The following PPP3R1 variants were observed in gnomAD, a reference collection of about 807,000 sequenced individuals.
The protein encoded by PPP3R1 is calcineurin subunit B type 1.
In PPP3R1, 5 loss-of-function variants were observed where a neutral mutation model predicts 22.6. The observed-to-expected ratio is 0.22, with a 90% CI of 0.12 to 0.46. PPP3R1 has a LOEUF of 0.46. Among genes scored for constraint, PPP3R1 ranks in the 20% least tolerant of loss-of-function variants. The pLI is 0.99. For missense variants in PPP3R1, 61 were observed against 203.2 expected (o/e 0.30, Z 4.25); for synonymous variants, 56 against 65.2 (o/e 0.86, Z 0.68).
At chr2:68,190,990 C>A (rs1674655347) in intron 2 of PPP3R1, among the ~76,000 whole-genome samples, 1 of 152,134 alleles carries the variant, frequency 6.6e-6, no homozygotes, top group Admixed American at 6.5e-5. Flanking sequence ...CTGTTACAAA[C>A]AAAGCTGCAT....
intron 2 of PPP3R1, among the ~76,000 whole-genome samples, chr2:68,204,085 A>G (rs1356303666): frequency 2.0e-5 from 3 of 152,132 alleles, no homozygotes; most frequent in Non-Finnish European, 4.4e-5. Flanking sequence ...CTTACTTTCA[A>G]TTGTGCCCCA....
intron 2 of PPP3R1, among the ~76,000 whole-genome samples, chr2:68,197,350 G>T (rs1301348048): frequency 6.6e-6 from 1 of 152,124 alleles, no homozygotes; most frequent in East Asian, 1.9e-4. Context: ...CCATGTTGTT[G>T]CATGTGTCAG....
At chr2:68,209,358 C>CAAAAAAAAAAA (rs777851469) in intron 2 of PPP3R1, among the ~76,000 whole-genome samples, 2 of 41,694 alleles carry the variant, frequency 4.8e-5, no homozygotes, top group African/African-American at 8.5e-5. Flanking sequence ...GACTCTGTCT[C>CAAAAAAAAAAA]AAAAAAAAAA....
chr2:68,252,488 C>G lies in PPP3R1; in HGVS notation c.-361G>C, dbSNP rs987923029. ...CCTCGCGCTCGCGCCGGAGCCGTGA[C>G]GGACTCACTGCAGCGGCTCGCGCTG... On this transcript the variant is annotated 5_prime_UTR_variant, in exon 1 of 6. Transcript: ENST00000234310. 3 of 986,594 alleles carry G rather than the reference C, an allele frequency of 3.0e-6. No homozygotes were observed. Among genetic ancestry groups the G allele is most frequent in the Admixed American group, 1.2e-4 (2 of 16,220 alleles). 61.1% of individuals were successfully genotyped at this position (986,594 alleles called of 1,614,324 possible). A position where few individuals can be genotyped will look rare whatever the true frequency, so the allele number is the denominator to read the frequency against.
At chr2:68,243,764 T>G (rs1670178003) in intron 1 of PPP3R1, among the ~76,000 whole-genome samples, 1 of 152,166 alleles carries the variant, frequency 6.6e-6, no homozygotes, top group African/African-American at 2.4e-5. Flanking sequence ...CCATTAAAAC[T>G]TTGGACTAAA....
intron 2 of PPP3R1, among the ~76,000 whole-genome samples, chr2:68,189,107 T>C (rs1168947393): frequency 6.6e-6 from 1 of 152,210 alleles, no homozygotes; most frequent in East Asian, 1.9e-4. Context: ...ACCGAAGTAC[T>C]TTCATTTTCA....
chr2:68,250,608 T>C (rs1670328939), intron 1 of PPP3R1, among the ~76,000 whole-genome samples: 1 of 152,202 alleles, frequency 6.6e-6, no homozygotes, highest in African/African-American at 2.4e-5. Flanking sequence ...AACAAAAAGA[T>C]TATATGATGA....
intron 1 of PPP3R1, among the ~76,000 whole-genome samples, chr2:68,223,869 T>C (rs1366580606): frequency 6.7e-6 from 1 of 148,802 alleles, no homozygotes; most frequent in Non-Finnish European, 1.5e-5. Flanking sequence ...TCGTTGCAGA[T>C]GACATAATTG....
intron 1 of PPP3R1, among the ~76,000 whole-genome samples, chr2:68,224,187 G>A (rs1669740502): frequency 6.6e-6 from 1 of 152,094 alleles, no homozygotes; most frequent in Non-Finnish European, 1.5e-5. Flanking sequence ...TTGTTAAGAT[G>A]GCAATTCTTC....
chr2:68,201,138 A>G (rs1164171769), intron 2 of PPP3R1, among the ~76,000 whole-genome samples: 1 of 152,116 alleles, frequency 6.6e-6, no homozygotes, highest in Non-Finnish European at 1.5e-5. Flanking sequence ...ATCCCATTAC[A>G]TCACATTTTC....
chr2:68,251,183 C>G (rs1435213270), intron 1 of PPP3R1: 1 of 152,260 alleles, frequency 6.6e-6, no homozygotes, highest in East Asian at 1.9e-4. Flanking sequence ...GGTAAGGTAA[C>G]AGGCTAAAAG....
rs541577954 is a variant in PPP3R1 at position 68,221,344 on chromosome 2, A to G, written c.4-4213T>C. Among the ~76,000 whole-genome samples the G allele has an allele frequency of 2.6e-3, 398 of 151,826 alleles. 2 individuals are homozygous for G. Among genetic ancestry groups the G allele is most frequent in the African/African-American group, 9.2e-3 (381 of 41,380 alleles). ...GACTCCACCTCAAAAATAAAAACAA[A>G]AACACGAGCCAGGCATGTTAGCATA... On this transcript the variant is annotated intron_variant, in intron 1 of 5. Transcript: ENST00000234310.
At chr2:68,181,098 A>G in intron 5 of PPP3R1, 88 bp from the exon 6 acceptor site, 1 of 1,306,598 alleles carries the variant, frequency 7.7e-7, no homozygotes, top group Non-Finnish European at 1.1e-6. Flanking sequence ...TTTAAAAAAT[A>G]TTACTAGGGG....
chr2:68,204,667 G>T (rs1400365129), intron 2 of PPP3R1, among the ~76,000 whole-genome samples: 1 of 152,136 alleles, frequency 6.6e-6, no homozygotes, highest in Non-Finnish European at 1.5e-5. Flanking sequence ...TATGTAAAAC[G>T]CTTAGAATAA....
At chr2:68,198,435 G>T (rs1196518405) in intron 2 of PPP3R1, among the ~76,000 whole-genome samples, 1 of 74,942 alleles carries the variant, frequency 1.3e-5, no homozygotes. Flanking sequence ...GTATATATGC[G>T]TGTGTATATA....
At chr2:68,203,223 T>C (rs1282793166) in intron 2 of PPP3R1, among the ~76,000 whole-genome samples, 3 of 152,202 alleles carry the variant, frequency 2.0e-5, no homozygotes, top group South Asian at 2.1e-4. Flanking sequence ...ATTAACTGTA[T>C]AATAAATTTA....
intron 2 of PPP3R1, among the ~76,000 whole-genome samples, chr2:68,211,444 C>G (rs1219270299): frequency 7.2e-6 from 1 of 138,324 alleles, no homozygotes; most frequent in Non-Finnish European, 1.6e-5. Context: ...CTAAAAAATG[C>G]TAAGGATCAC....
At chr2:68,186,776 TAAA>T (rs1225136788) in intron 4 of PPP3R1, 124 bp from the exon 5 acceptor site, 4 of 930,074 alleles carry the variant, frequency 4.3e-6, no homozygotes, top group Admixed American at 2.8e-5. Context: ...TCTCCTTCCT[TAAA>T]ATAGAGTTGT....
chr2:68,215,782 T>C (rs1669567461), intron 2 of PPP3R1, among the ~76,000 whole-genome samples: 1 of 152,052 alleles, frequency 6.6e-6, no homozygotes, highest in Non-Finnish European at 1.5e-5. Context: ...TCAGAGGATA[T>C]AAAGAAATTA....
Sources: gnomAD v4.1 joint callset for allele counts (sites outside exome capture counted in the v4.1 genomes callset) on GRCh38, gnomAD v4.1.1 for gene constraint, MANE v1.5 for transcripts, NCBI Gene and HGNC (gene_info 2026-07-23, HGNC 2026-07-21) for gene names.